The following RPL7L1 variants were observed in gnomAD, a reference collection of about 807,000 sequenced individuals.
RPL7L1 encodes ribosomal protein L7 like 1.
RPL7L1 carries 20 observed loss-of-function variants against 30.3 expected under a neutral mutation model. The observed-to-expected ratio is 0.66, with a 90% CI of 0.46 to 0.96. The LOEUF is 0.96. Among genes scored for constraint, RPL7L1 ranks in the 40% least tolerant of loss-of-function variants. The probability of loss-of-function intolerance (pLI) is 0.00; values close to 1 mark genes in which losing one functional copy is unlikely to be tolerated. For synonymous variants in RPL7L1, 107 were observed against 110.1 expected (o/e 0.97, Z 0.18); for missense variants, 271 against 314.9 (o/e 0.86, Z 1.05).
rs1766320367 is a variant in RPL7L1, at chr6:42,887,586, AAAAAG to A, written c.*1129_*1133del. Reference sequence around the variant, plus strand: ...CAACAAGCGAAACTCTGTCTCAAAAAAAAAGAAAAGACAGTAGCATATGTTCATGT... The same window carrying A: ...CAACAAGCGAAACTCTGTCTCAAAAAAAAAGACAGTAGCATATGTTCATGT... On this transcript the variant is annotated 3_prime_UTR_variant, in exon 6 of 6. Transcript: ENST00000493763. 6.6e-6 allele frequency: 1 copy of A among 152,282 alleles called. No individual in the cohort carries two copies. Among genetic ancestry groups the A allele is most frequent in the African/African-American group, 2.4e-5 (1 of 41,456 alleles). 9.4% of individuals were successfully genotyped at this position (152,282 alleles called of 1,614,324 possible).
intron 1 of RPL7L1, 140 bp from the exon 2 acceptor site, chr6:42,880,721 C>T: frequency 3.9e-6 from 2 of 513,392 alleles, no homozygotes; most frequent in Non-Finnish European, 7.0e-6. Flanking sequence ...CCATGTTGGT[C>T]AGGCTGGTCT....
intron 1 of RPL7L1, chr6:42,880,604 C>T: frequency 5.9e-6 from 2 of 336,924 alleles, no homozygotes; most frequent in Non-Finnish European, 1.1e-5. Context: ...CCTCCGCCTC[C>T]CGGGTTCAAG....
Position 42,879,821 on chromosome 6 carries a change from T to G in RPL7L1, c.-90T>G, listed in dbSNP as rs918421820. On this transcript the variant is annotated 5_prime_UTR_variant, in exon 1 of 6. Transcript: ENST00000493763. ...GGGCTCACTGCGGCTAAGTGAACGC[T>G]GACTGGTCCTCCAGCGTGAGCTAGA... is the stretch of plus-strand genomic sequence containing the variant. The G allele has an allele frequency of 2.8e-6, 4 of 1,406,222 alleles. No individual in the cohort carries two copies. Among genetic ancestry groups the G allele is most frequent in the Admixed American group, 1.7e-5 (1 of 59,426 alleles). The allele number at this position is 1,406,222 out of a possible 1,614,324, so 87.1% of individuals were successfully genotyped here.
rs140942522 is a variant in RPL7L1 at position 42,884,744 on chromosome 6, C to T, written c.443C>T (p.Thr148Ile). The T allele has an allele frequency of 4.5e-5, 72 of 1,612,188 alleles. No homozygotes were observed. The African/African-American group carries it at 7.7e-4, about 17-fold the overall frequency. ...CTGCGTATAGTGGAACCTTATGTGA[C>T]CTGGGGGTAAGTAAGGTTTTCCATG... ...KMLRIVEPYV[T>I]WGFPNLKSVR... is the part of the protein sequence containing the mutation. The change falls in exon 4 of 6, where the codon ACC becomes ATC. Residue 148 changes from threonine (T) to isoleucine (I), a missense_variant. Thr to Ile is a moderately conservative substitution (Grantham distance 89). Coordinates refer to ENST00000493763, the MANE Select transcript of RPL7L1 (RefSeq NM_001366481.3).
In RPL7L1 at chr6:42,879,965, G is replaced by C; in HGVS notation, c.41+14G>C. 6.2e-7 allele frequency: 1 copy of C among 1,613,800 alleles called. No homozygotes were observed. The highest frequency in any genetic ancestry group is 8.5e-7 in the Non-Finnish European group (1 of 1,179,684). ...GGCGGAGCAAGAGTGAGTGTTTGGG[G>C]CTTTGAATATCTGGAGTGGGGTCTT... is the stretch of plus-strand genomic sequence containing the variant. On this transcript the variant is annotated intron_variant, in intron 1 of 5. Coordinates refer to ENST00000493763, the MANE Select transcript of RPL7L1 (RefSeq NM_001366481.3).
In RPL7L1 at chr6:42,888,621, A is replaced by C. The variant is rs1766369997; in HGVS notation, c.*2157A>C. ...TTAACCCCTGCACCATCTGTAACTC[A>C]GAAATCCCCACCATTTCTTCCCCTG... is the stretch of plus-strand genomic sequence containing the variant. On this transcript the variant is annotated 3_prime_UTR_variant, in exon 6 of 6. Transcript: ENST00000493763. 6.6e-6 allele frequency: 1 copy of C among 152,098 alleles called. No homozygotes were observed. Among genetic ancestry groups the C allele is most frequent in the Non-Finnish European group, 1.5e-5 (1 of 68,014 alleles). 9.4% of individuals were successfully genotyped at this position (152,098 alleles called of 1,614,324 possible). A position where few individuals can be genotyped will look rare whatever the true frequency, so the allele number is the denominator to read the frequency against.
intron 1 of RPL7L1, among the ~76,000 whole-genome samples, chr6:42,880,337 A>G (rs957935389): frequency 7.9e-5 from 12 of 152,156 alleles, no homozygotes; most frequent in African/African-American, 2.9e-4. Flanking sequence ...TAAAGGATTC[A>G]TTATTTTCCG....
intron 3 of RPL7L1, 30 bp from the exon 4 acceptor site, chr6:42,884,583 C>G: frequency 6.2e-7 from 1 of 1,605,696 alleles, no homozygotes; most frequent in South Asian, 1.1e-5. Flanking sequence ...TGGAGGGAGT[C>G]TGTCTGACTT....
intron 4 of RPL7L1, among the ~76,000 whole-genome samples, chr6:42,885,096 G>A (rs1266177097): frequency 6.6e-6 from 1 of 152,208 alleles, no homozygotes. Context: ...TTGGGAGGCC[G>A]AGGCGGGTGG....
chr6:42,883,014 C>T (rs554107962), intron 2 of RPL7L1: 154 of 155,014 alleles, frequency 9.9e-4, no homozygotes, highest in Middle Eastern at 3.4e-3. Context: ...GAGAACCTCC[C>T]GCCTCAGCCT....
Position 42,884,706 on chromosome 6 carries a change from G to C in RPL7L1, c.405G>C (p.Gln135His), listed in dbSNP as rs941397514. 5 of 1,614,122 alleles carry C rather than the reference G, an allele frequency of 3.1e-6. No homozygotes were observed. Among genetic ancestry groups the C allele is most frequent in the Non-Finnish European group, 4.2e-6 (5 of 1,180,012 alleles). ...FSGVFVKVTP[Q>H]NLKMLRIVEP... The stretch of plus-strand genomic sequence containing the variant: ...GTGTCTTTGTAAAAGTCACCCCCCA[G>C]AATCTAAAAATGCTGCGTATAGTGG... The change falls in exon 4 of 6, where the codon CAG (glutamine) becomes CAC (histidine). Residue 135 changes from glutamine to histidine, a missense_variant. Coordinates refer to ENST00000493763, the MANE Select transcript of RPL7L1 (RefSeq NM_001366481.3).
In RPL7L1 at chr6:42,887,884, G is replaced by C. The variant is rs2072583851; in HGVS notation, c.*1420G>C. The C allele has an allele frequency of 6.7e-6, 1 of 150,132 alleles. No homozygotes were observed. The highest frequency in any genetic ancestry group is 1.5e-5 in the Non-Finnish European group (1 of 67,528). The allele number at this position is 150,132 out of a possible 1,614,324, so 9.3% of individuals were successfully genotyped here. On this transcript the variant is annotated 3_prime_UTR_variant, in exon 6 of 6. Transcript: ENST00000493763. Reference sequence around the variant, plus strand: ...TTGAAAAAGACTTGAAATACACATAGGAAGAAAGGCATAAAAATAAATGTT... The same window carrying C: ...TTGAAAAAGACTTGAAATACACATACGAAGAAAGGCATAAAAATAAATGTT...
intron 5 of RPL7L1, 78 bp from the exon 6 acceptor site, chr6:42,886,178 A>G: frequency 1.0e-5 from 15 of 1,434,902 alleles, no homozygotes; most frequent in Non-Finnish European, 1.5e-5. Context: ...TGGGGCCCCA[A>G]GAGTCTGCCA....
intron 4 of RPL7L1, among the ~76,000 whole-genome samples, chr6:42,885,365 G>A (rs942787434): frequency 1.4e-5 from 2 of 147,698 alleles, no homozygotes; most frequent in South Asian, 2.1e-4. Flanking sequence ...GGTGGATCAC[G>A]AGGTCGGGAG....
intron 2 of RPL7L1, chr6:42,881,425 AC>A (rs1182562080): frequency 6.5e-6 from 1 of 153,024 alleles, no homozygotes; most frequent in Non-Finnish European, 1.5e-5. Context: ...AGTTCGTGCC[AC>A]TGTACTCCAG....
At chr6:42,885,675 C>G (rs925495420) in intron 4 of RPL7L1, 1 of 289,048 alleles carries the variant, frequency 3.5e-6, no homozygotes, top group Non-Finnish European at 6.7e-6. Context: ...CACCTAAGGC[C>G]AGAGTCGTAG....
intron 4 of RPL7L1, 125 bp downstream of exon 4, chr6:42,884,875 C>A (rs926593459): frequency 2.6e-5 from 24 of 905,908 alleles, no homozygotes; most frequent in Non-Finnish European, 4.1e-5. Context: ...CCACAGTCAA[C>A]CTGAAATCAG....
rs1488234189 is a variant in RPL7L1, at chr6:42,883,562, G to A, written c.259G>A (p.Ala87Thr). Residue 87 changes from alanine (A) to threonine (T), a missense_variant, in exon 3 of 6, where the codon GCC (alanine) becomes ACC (threonine). Physicochemically the swap from Ala to Thr is moderately conservative, Grantham distance 58 (BLOSUM62 0). Transcript: ENST00000493763. ...CAGACGACTAGAAGTGAAACCTCAT[G>A]CCTTGGAATTGCCAGATAAACATTC... ...RLRRLEVKPH[A>T]LELPDKHSLA... 4 of 1,605,844 alleles carry A rather than the reference G, an allele frequency of 2.5e-6. No individual in the cohort carries two copies. In the African/African-American group the frequency reaches 5.4e-5, roughly 22 times the overall value.
rs940538213 is a variant in RPL7L1, at chr6:42,889,248, C to G, written c.*2784C>G. 4 of 152,182 alleles carry G rather than the reference C, an allele frequency of 2.6e-5. No homozygotes were observed. The highest frequency in any genetic ancestry group is 9.7e-5 in the African/African-American group (4 of 41,400). The allele number at this position is 152,182 out of a possible 1,614,324, so 9.4% of individuals were successfully genotyped here. A position where few individuals can be genotyped will look rare whatever the true frequency, so the allele number is the denominator to read the frequency against. Reference sequence around the variant, plus strand: ...TTGAGGTCAGGAGTTCGAGACCAGCCTGACCAACATGGAGAAATTCTGTCC... The same window carrying G: ...TTGAGGTCAGGAGTTCGAGACCAGCGTGACCAACATGGAGAAATTCTGTCC... On this transcript the variant is annotated 3_prime_UTR_variant, in exon 6 of 6. Transcript: ENST00000493763.
Sources: gnomAD v4.1 joint callset for allele counts (sites outside exome capture counted in the v4.1 genomes callset) on GRCh38, gnomAD v4.1.1 for gene constraint, MANE v1.5 for transcripts, NCBI Gene and HGNC (gene_info 2026-07-23, HGNC 2026-07-21) for gene names.